TMEM131: variants seen among roughly 807,000 people sequenced by gnomAD.
TMEM131 encodes transmembrane protein 131.
TMEM131 carries 66 observed loss-of-function variants against 211.6 expected under a neutral mutation model. That is an observed-to-expected ratio of 0.31 (90% CI 0.26 to 0.38). TMEM131 has a LOEUF of 0.38. TMEM131 is among the 10% of genes least tolerant of loss of function. The probability of loss-of-function intolerance (pLI) is 1.00; values close to 1 mark genes in which losing one functional copy is unlikely to be tolerated. For synonymous variants in TMEM131, 844 were observed against 841.3 expected, an observed-to-expected ratio of 1.00 and a Z score of -0.06; for missense variants, 2,036 against 2,299.3, an observed-to-expected ratio of 0.89 and a Z score of 2.34.
intron 1 of TMEM131, among the ~76,000 whole-genome samples, chr2:97,950,255 C>T (rs1678246716): frequency 6.6e-6 from 1 of 152,162 alleles, no homozygotes; most frequent in Admixed American, 6.5e-5. Context: ...TCTACATTTT[C>T]GTCTGTATGA....
chr2:97,962,269 C>T (rs559813632), intron 1 of TMEM131, among the ~76,000 whole-genome samples: 10 of 152,194 alleles, frequency 6.6e-5, no homozygotes, highest in Non-Finnish European at 1.2e-4. Flanking sequence ...TTTGGGAGGC[C>T]GAGGCAGGTG....
intron 4 of TMEM131, among the ~76,000 whole-genome samples, chr2:97,871,166 C>T (rs1232531316): frequency 1.3e-5 from 2 of 152,016 alleles, no homozygotes; most frequent in Non-Finnish European, 2.9e-5. Flanking sequence ...TTTAGTAAAC[C>T]AAGTTTCTAC....
chr2:97,844,177 T>G lies in TMEM131; in HGVS notation c.568A>C (p.Asn190His). 8.0e-7 allele frequency: 1 copy of G among 1,254,028 alleles called. No individual in the cohort carries two copies. The highest frequency in any genetic ancestry group is 1.9e-5 in the South Asian group (1 of 52,438). The allele number at this position is 1,254,028 out of a possible 1,614,324, so 77.7% of individuals were successfully genotyped here. ...VGNVENTLFI[N>H]TSNHGVFTYQ... Reference sequence around the variant, plus strand: ...GTAAATACCCCATGATTAGATGTATTAATAAATAAAGTATTTTCTACATTT... The same window carrying G: ...GTAAATACCCCATGATTAGATGTATGAATAAATAAAGTATTTTCTACATTT... The change falls in exon 6 of 41, where the codon AAT (asparagine) becomes CAT (histidine). Residue 190 changes from asparagine (N) to histidine (H), a missense_variant. This residue lies in a region of TMEM131 where 277 missense variants were observed against 378.0 expected (regional missense o/e 0.73). Coordinates refer to ENST00000186436, the MANE Select transcript of TMEM131 (RefSeq NM_015348.2).
At chr2:97,859,571 C>T (rs2105177235) in intron 4 of TMEM131, 144 bp from the exon 5 acceptor site, 1 of 765,004 alleles carries the variant, frequency 1.3e-6, no homozygotes, top group Non-Finnish European at 1.9e-6. Context: ...TAAAATTACA[C>T]ATAAAAATGC....
intron 1 of TMEM131, among the ~76,000 whole-genome samples, chr2:97,983,212 C>T (rs751443529): frequency 1.6e-4 from 25 of 152,128 alleles, no homozygotes; most frequent in Non-Finnish European, 2.8e-4. Context: ...TTTGTGCCTT[C>T]GTTCAGTCTC....
chr2:97,849,353 G>A (rs907793486), intron 5 of TMEM131, among the ~76,000 whole-genome samples: 6 of 152,050 alleles, frequency 3.9e-5, no homozygotes, highest in Admixed American at 1.3e-4. Context: ...CAGTGACACC[G>A]CCAGCCAATG....
Position 97,812,523 on chromosome 2 carries a change from G to A in TMEM131, c.1761C>T (p.Asp587=), listed in dbSNP as rs763841687. 9.9e-6 allele frequency: 16 copies of A among 1,610,794 alleles called. No individual in the cohort carries two copies. The highest frequency in any genetic ancestry group is 1.6e-4 in the Middle Eastern group (1 of 6,072). The part of the protein sequence containing the change: ...LAIKSWHIIG[D]GLSIELVAVE... ...CAGCTACAAGTTCTATTGATAAACC[G>A]TCTCCTATGATATGCCAACTTTTTA... is the stretch of plus-strand genomic sequence containing the variant. The change falls in exon 17 of 41, where the codon GAC becomes GAT. Residue 587 remains aspartate, a synonymous_variant. Coordinates refer to ENST00000186436, the MANE Select transcript of TMEM131 (RefSeq NM_015348.2).
At chr2:97,991,382 C>CA (rs1315270473) in intron 1 of TMEM131, among the ~76,000 whole-genome samples, 1 of 152,166 alleles carries the variant, frequency 6.6e-6, no homozygotes, top group Non-Finnish European at 1.5e-5. Flanking sequence ...TGCAGTGCCC[C>CA]ATGGTGAAGG....
chr2:97,799,150 T>C (rs1220899163), intron 25 of TMEM131, among the ~76,000 whole-genome samples: 1 of 152,198 alleles, frequency 6.6e-6, no homozygotes, highest in Non-Finnish European at 1.5e-5. Context: ...TGTTGGCATC[T>C]GCACTGATGG....
At chr2:97,784,294 T>C (rs1246863587) in intron 31 of TMEM131, among the ~76,000 whole-genome samples, 1 of 152,092 alleles carries the variant, frequency 6.6e-6, no homozygotes, top group Non-Finnish European at 1.5e-5. Context: ...CCATGGGTCA[T>C]AAGCCAAGAC....
At chr2:97,974,840 C>T (rs753970487) in intron 1 of TMEM131, among the ~76,000 whole-genome samples, 2 of 151,802 alleles carry the variant, frequency 1.3e-5, no homozygotes, top group Non-Finnish European at 2.9e-5. Flanking sequence ...ATCCACACTA[C>T]AAAAAAATCC....
intron 1 of TMEM131, among the ~76,000 whole-genome samples, chr2:97,966,748 C>T (rs919611315): frequency 1.3e-5 from 2 of 152,170 alleles, no homozygotes; most frequent in Non-Finnish European, 2.9e-5. Context: ...TCAATACTCA[C>T]ACCAACCCTA....
intron 1 of TMEM131, among the ~76,000 whole-genome samples, chr2:97,932,488 T>C (rs2104459851): frequency 6.6e-6 from 1 of 152,330 alleles, no homozygotes; most frequent in South Asian, 2.1e-4. Flanking sequence ...CCATGTTGTT[T>C]ACTAAAACTC....
intron 31 of TMEM131, among the ~76,000 whole-genome samples, chr2:97,778,674 T>TG (rs1294187122): frequency 6.6e-6 from 1 of 152,266 alleles, no homozygotes; most frequent in Non-Finnish European, 1.5e-5. Context: ...AAAGTGATTT[T>TG]GGAAAGGCTG....
At chr2:97,942,726 AAAG>A (rs1203441704) in intron 1 of TMEM131, among the ~76,000 whole-genome samples, 1 of 152,106 alleles carries the variant, frequency 6.6e-6, no homozygotes. Flanking sequence ...GTTTCCCCGC[AAAG>A]AATAGCCTAG....
intron 39 of TMEM131, 146 bp downstream of exon 39, chr2:97,759,506 G>C: frequency 3.0e-6 from 2 of 669,056 alleles, no homozygotes; most frequent in Middle Eastern, 4.1e-4. Flanking sequence ...GGGAGGAAGA[G>C]GGGAGGGGAC....
intron 1 of TMEM131, among the ~76,000 whole-genome samples, chr2:97,950,147 CATAT>C (rs905926107): frequency 2.8e-4 from 42 of 152,146 alleles, no homozygotes; most frequent in African/African-American, 9.4e-4. Context: ...TACATCTATA[CATAT>C]AGATACCTTA....
At chr2:97,947,925 A>G (rs1237336490) in intron 1 of TMEM131, among the ~76,000 whole-genome samples, 1 of 152,306 alleles carries the variant, frequency 6.6e-6, no homozygotes, top group East Asian at 1.9e-4. Context: ...AGGCAATTCA[A>G]TTGGGGAAAA....
intron 32 of TMEM131, among the ~76,000 whole-genome samples, chr2:97,772,811 C>T (rs907771230): frequency 2.6e-5 from 4 of 152,322 alleles, no homozygotes; most frequent in African/African-American, 4.8e-5. Context: ...GCATGAGAAT[C>T]GCTTGAACTG....
Sources: allele counts gnomAD v4.1 joint callset (sites outside exome capture counted in the v4.1 genomes callset), GRCh38; gene constraint gnomAD v4.1.1; regional missense constraint gnomAD v4.1.1; transcripts MANE v1.5; gene names NCBI Gene and HGNC (gene_info 2026-07-23, HGNC 2026-07-21).